FBXW7: variants seen among roughly 807,000 people sequenced by gnomAD.
The protein encoded by FBXW7 is F-box/WD repeat-containing protein 7.
Under a neutral mutation model 86.3 loss-of-function variants are expected in FBXW7, and 11 were observed. The ratio of observed to expected loss-of-function variants is 0.13; its 90% confidence interval spans 0.08 to 0.21. The LOEUF is 0.21. FBXW7 is among the 10% of genes least tolerant of loss of function. FBXW7 has a pLI of 1.00. For missense variants in FBXW7, 488 were observed against 847.4 expected (o/e 0.58, Z 5.27); for synonymous variants, 313 against 297.9 (o/e 1.05, Z -0.52).
At chr4:152,370,828 G>C (rs74351767) in intron 4 of FBXW7, among the ~76,000 whole-genome samples, 2,075 of 151,246 alleles carry the variant, frequency 0.014, 26 homozygotes, top group Middle Eastern at 0.037. Flanking sequence ...ATTAATATTT[G>C]AGAAAGACTC....
chr4:152,330,725 C>T lies in FBXW7; in HGVS notation c.1122+7G>A, dbSNP rs1729489270. 1 of 1,610,700 alleles carries T rather than the reference C, an allele frequency of 6.2e-7. No homozygotes were observed. Among genetic ancestry groups the T allele is most frequent in the Non-Finnish European group, 8.5e-7 (1 of 1,178,078 alleles). ...GGTTTCTGTTACATTGTGCAGAGTT[C>T]AGTTACCTTAGGAGATTTGAGTTCT... On this transcript the variant is annotated splice_region_variant and intron_variant, in intron 9 of 13. Transcript: ENST00000281708.
chr4:152,445,725 T>C (rs1354598382), intron 2 of FBXW7, among the ~76,000 whole-genome samples: 1 of 151,926 alleles, frequency 6.6e-6, no homozygotes, highest in Non-Finnish European at 1.5e-5. Flanking sequence ...CTGGGCAACA[T>C]GGCAGAACCC....
chr4:152,436,697 G>C (rs1012063273), intron 2 of FBXW7, among the ~76,000 whole-genome samples: 1 of 152,220 alleles, frequency 6.6e-6, no homozygotes, highest in Non-Finnish European at 1.5e-5. Flanking sequence ...ACTTTAGGTA[G>C]AACAGTGCTC....
At chr4:152,353,857 G>C (rs946567120) in intron 4 of FBXW7, among the ~76,000 whole-genome samples, 2 of 152,060 alleles carry the variant, frequency 1.3e-5, no homozygotes, top group African/African-American at 4.8e-5. Context: ...CCATTATTAA[G>C]GTTCTAGTTA....
chr4:152,403,747 G>A (rs950410011), intron 4 of FBXW7, among the ~76,000 whole-genome samples: 2 of 152,114 alleles, frequency 1.3e-5, no homozygotes, highest in African/African-American at 2.4e-5. Context: ...GAGCACAGGC[G>A]GTAATGCTCA....
intron 2 of FBXW7, among the ~76,000 whole-genome samples, chr4:152,508,017 A>G (rs1747588903): frequency 6.6e-6 from 1 of 151,898 alleles, no homozygotes. Flanking sequence ...GCAGTGAGCT[A>G]TGATCATACC....
intron 2 of FBXW7, among the ~76,000 whole-genome samples, chr4:152,419,893 C>T (rs556017566): frequency 1.0e-3 from 156 of 152,206 alleles, no homozygotes; most frequent in Middle Eastern, 3.4e-3. Context: ...TTCAGTGAGT[C>T]CAATTTTTTT....
intron 2 of FBXW7, among the ~76,000 whole-genome samples, chr4:152,494,519 T>C (rs1746137058): frequency 6.6e-6 from 1 of 152,124 alleles, no homozygotes; most frequent in Non-Finnish European, 1.5e-5. Context: ...AGCATTCAGG[T>C]GGTATAGGAA....
chr4:152,395,521 C>T (rs1278223230), intron 4 of FBXW7, among the ~76,000 whole-genome samples: 1 of 151,970 alleles, frequency 6.6e-6, no homozygotes, highest in Non-Finnish European at 1.5e-5. Context: ...TCTCAAATTC[C>T]TTGTGGAAGT....
At chr4:152,408,795 A>G (rs992651201) in intron 4 of FBXW7, among the ~76,000 whole-genome samples, 1 of 152,164 alleles carries the variant, frequency 6.6e-6, no homozygotes, top group Admixed American at 6.5e-5. Flanking sequence ...CAGGATTAAA[A>G]TCTCTCATCA....
chr4:152,493,330 T>C (rs1746035851), intron 2 of FBXW7, among the ~76,000 whole-genome samples: 1 of 151,918 alleles, frequency 6.6e-6, no homozygotes, highest in African/African-American at 2.4e-5. Context: ...AAACCTGGCT[T>C]ATTTTTGTAT....
chr4:152,382,238 ATCT>A, intron 4 of FBXW7: 1 of 1,599,120 alleles, frequency 6.3e-7, no homozygotes, highest in Non-Finnish European at 8.5e-7. Flanking sequence ...AATGCTAAAT[ATCT>A]TCATCACAGT....
intron 6 of FBXW7, among the ~76,000 whole-genome samples, chr4:152,344,697 T>C (rs1578939146): frequency 6.6e-6 from 1 of 152,106 alleles, no homozygotes; most frequent in Non-Finnish European, 1.5e-5. Context: ...CTCTCTAAAA[T>C]ATCCTGACTA....
intron 2 of FBXW7, among the ~76,000 whole-genome samples, chr4:152,486,770 G>A (rs1388871940): frequency 7.9e-5 from 12 of 151,944 alleles, no homozygotes; most frequent in Admixed American, 5.9e-4. Context: ...TACATAAACC[G>A]TTAACATAGC....
rs568229952 is a variant in FBXW7 at position 152,483,150 on chromosome 4, A to G, written c.-120+51791T>C. ...CTAAAATTAACATACTTGTACATAT[A>G]TCTTTATGCATATTTCTATGAAAAC... On this transcript the variant is annotated intron_variant, in intron 2 of 13. Coordinates refer to ENST00000281708, the MANE Select transcript of FBXW7 (RefSeq NM_001349798.2). Among the ~76,000 whole-genome samples, 161 of 152,292 alleles carry G rather than the reference A, an allele frequency of 1.1e-3. 5 individuals carry two copies. The South Asian group carries it at 0.033, about 31-fold the overall frequency.
chr4:152,374,572 G>T (rs1734311527), intron 4 of FBXW7, among the ~76,000 whole-genome samples: 1 of 152,040 alleles, frequency 6.6e-6, no homozygotes, highest in Non-Finnish European at 1.5e-5. Context: ...ATCAGCCATA[G>T]AAATATTTAT....
intron 4 of FBXW7, among the ~76,000 whole-genome samples, chr4:152,402,195 C>G (rs1737000035): frequency 6.6e-6 from 1 of 152,140 alleles, no homozygotes; most frequent in Non-Finnish European, 1.5e-5. Flanking sequence ...AGTATACACA[C>G]TGACTCCAGC....
rs1317522590 is a variant in FBXW7 at position 152,535,232 on chromosome 4, TAA to T, written c.-320_-319del. On this transcript the variant is annotated 5_prime_UTR_variant, in exon 1 of 14. Transcript: ENST00000281708. ...TGGGAGACTCCGGATTTTGTTTTTG[TAA>T]AGTTTCCTCTGGGTGGAGGCTGCGG... 1.6e-5 allele frequency: 3 copies of T among 190,960 alleles called. No individual in the cohort carries two copies. In the East Asian group the frequency reaches 3.5e-4, roughly 22 times the overall value. The allele number at this position is 190,960 out of a possible 1,614,324, so 11.8% of individuals were successfully genotyped here. A position where few individuals can be genotyped will look rare whatever the true frequency, so the allele number is the denominator to read the frequency against.
At chr4:152,353,209 G>A (rs34614793) in intron 4 of FBXW7, among the ~76,000 whole-genome samples, 2,330 of 152,146 alleles carry the variant, frequency 0.015, 36 homozygotes, top group East Asian at 0.043. Flanking sequence ...TCATCCTACC[G>A]TAGTCCTGGC....
Sources: gnomAD v4.1 joint callset for allele counts (sites outside exome capture counted in the v4.1 genomes callset) on GRCh38, gnomAD v4.1.1 for gene constraint, MANE v1.5 for transcripts, NCBI Gene and HGNC (gene_info 2026-07-23, HGNC 2026-07-21) for gene names.